DMD: variants seen among roughly 807,000 people sequenced by gnomAD.
The protein encoded by DMD is mutant dystrophin.
A neutral mutation model predicts 330.1 loss-of-function variants in DMD; 63 were observed. The ratio of observed to expected loss-of-function variants is 0.19; its 90% CI spans 0.16 to 0.24. The LOEUF (loss-of-function observed/expected upper bound fraction) is 0.24. Ranked by LOEUF, DMD falls within the 10% of genes least tolerant of loss-of-function variation. The probability of loss-of-function intolerance (pLI) is 1.00; values close to 1 mark genes in which losing one functional copy is unlikely to be tolerated. For missense variants in DMD, 3,344 were observed against 2,684.1 expected, an observed-to-expected ratio of 1.25 and a Z score of -5.43; for synonymous variants, 1,223 against 959.8, an observed-to-expected ratio of 1.27 and a Z score of -5.07.
chrX:31,818,149 C>T (rs893103167), intron 50 of DMD, among the ~76,000 whole-genome samples: 7 of 112,027 alleles, frequency 6.2e-5, no homozygotes, highest in African/African-American at 2.3e-4. Context: ...CTAACAAATA[C>T]CCATTGACAT....
chrX:31,149,336 G>A (rs769270888), intron 74 of DMD, among the ~76,000 whole-genome samples: 107 of 111,945 alleles, frequency 9.6e-4, no homozygotes, highest in African/African-American at 3.2e-3. Flanking sequence ...CATATCCCTG[G>A]TAGATCCCAC....
chrX:31,473,909 G>A (rs1275931851), intron 59 of DMD, among the ~76,000 whole-genome samples: 1 of 111,271 alleles, frequency 9.0e-6, no homozygotes, highest in Non-Finnish European at 1.9e-5. Flanking sequence ...TTACAAGGAA[G>A]GTAGAATATT....
intron 43 of DMD, among the ~76,000 whole-genome samples, chrX:32,269,489 G>A (rs974338952): frequency 1.3e-4 from 14 of 111,567 alleles, no homozygotes; most frequent in African/African-American, 4.6e-4. Context: ...TCTGCCTTAT[G>A]CCTCCTTGGT....
intron 29 of DMD, among the ~76,000 whole-genome samples, chrX:32,437,866 A>C (rs2098267565): frequency 8.9e-6 from 1 of 112,346 alleles, no homozygotes; most frequent in African/African-American, 3.2e-5. Flanking sequence ...ACAGAATTGC[A>C]TGTATTATTA....
At chrX:31,837,288 C>A (rs1192136962) in intron 48 of DMD, among the ~76,000 whole-genome samples, 1 of 111,426 alleles carries the variant, frequency 9.0e-6, no homozygotes, top group Admixed American at 9.6e-5. Flanking sequence ...AAATTATTTT[C>A]TTTCCAAAGG....
intron 67 of DMD, among the ~76,000 whole-genome samples, chrX:31,193,798 A>G (rs773005738): frequency 1.5e-4 from 17 of 111,385 alleles, no homozygotes; most frequent in Non-Finnish European, 2.4e-4. Context: ...TGGCCAAAAA[A>G]TGTTAACATT....
intron 48 of DMD, among the ~76,000 whole-genome samples, chrX:31,844,416 T>C (rs1017780685): frequency 7.2e-5 from 8 of 110,816 alleles, no homozygotes; most frequent in African/African-American, 2.3e-4. Context: ...AGAAGTCCCA[T>C]TCTCTTTGGG....
At chrX:33,029,204 G>A (rs930271551) in intron 1 of DMD, among the ~76,000 whole-genome samples, 1 of 111,412 alleles carries the variant, frequency 9.0e-6, no homozygotes, top group Non-Finnish European at 1.9e-5. Flanking sequence ...TATCCATTGA[G>A]CACCCATTAG....
At chrX:31,527,510 A>T (rs1203396838) in intron 55 of DMD, among the ~76,000 whole-genome samples, 1 of 112,050 alleles carries the variant, frequency 8.9e-6, no homozygotes, top group Non-Finnish European at 1.9e-5. Flanking sequence ...TTATTTGCTA[A>T]ATCTGGCAAC....
intron 2 of DMD, among the ~76,000 whole-genome samples, chrX:33,009,691 CATATGTGTGTAT>C: frequency 2.6e-5 from 1 of 38,919 alleles, no homozygotes; most frequent in Admixed American, 2.4e-4. Context: ...TGTATATGCA[CATATGTGTGTAT>C]ACGTATATGT....
intron 34 of DMD, among the ~76,000 whole-genome samples, chrX:32,377,585 C>A (rs960806768): frequency 3.6e-5 from 4 of 111,401 alleles, no homozygotes; most frequent in African/African-American, 1.3e-4. Context: ...AGATATAGGG[C>A]CAAGTATAGA....
chrX:31,324,996 C>T (rs763745243), intron 61 of DMD, among the ~76,000 whole-genome samples: 3 of 112,077 alleles, frequency 2.7e-5, no homozygotes, highest in Non-Finnish European at 5.6e-5. Context: ...GGAGATATGT[C>T]ATTTAAACGA....
At chrX:31,495,758 C>A (rs2069779895) in intron 57 of DMD, among the ~76,000 whole-genome samples, 1 of 111,605 alleles carries the variant, frequency 9.0e-6, no homozygotes, top group Non-Finnish European at 1.9e-5. Flanking sequence ...TATCACACTG[C>A]AACCCCTAGC....
intron 63 of DMD, among the ~76,000 whole-genome samples, chrX:31,229,015 T>C (rs774072694): frequency 2.7e-5 from 3 of 112,240 alleles, no homozygotes; most frequent in Non-Finnish European, 3.8e-5. Context: ...TTTTGAAACA[T>C]GAAACAAGTA....
intron 1 of DMD, among the ~76,000 whole-genome samples, chrX:33,261,326 G>A (rs2052951497): frequency 9.0e-6 from 1 of 110,573 alleles, no homozygotes; most frequent in African/African-American, 3.3e-5. Flanking sequence ...AAAAAAGAAA[G>A]AGTGTTATAA....
At chrX:31,923,454 T>C (rs755811483) in intron 47 of DMD, among the ~76,000 whole-genome samples, 2 of 111,333 alleles carry the variant, frequency 1.8e-5, no homozygotes, top group South Asian at 3.7e-4. Context: ...AATAATTTAA[T>C]TACAGCTTTG....
chrX:32,794,033 C>CA (rs904075066), intron 7 of DMD, among the ~76,000 whole-genome samples: 28 of 111,391 alleles, frequency 2.5e-4, no homozygotes, highest in Non-Finnish European at 5.7e-5. Flanking sequence ...GTAATATTAT[C>CA]AAGTGGAATT....
At chrX:32,421,177 T>A (rs2098188055) in intron 29 of DMD, among the ~76,000 whole-genome samples, 1 of 112,497 alleles carries the variant, frequency 8.9e-6, no homozygotes, top group Non-Finnish European at 1.9e-5. Context: ...GAAGTTGATG[T>A]GCAAGGCACA....
chrX:32,205,482 C>T (rs943793805), intron 44 of DMD, among the ~76,000 whole-genome samples: 1 of 110,303 alleles, frequency 9.1e-6, no homozygotes. Context: ...TCTGCTCTGA[C>T]TCATCAATGG....
Sources: allele counts gnomAD v4.1 joint callset (sites outside exome capture counted in the v4.1 genomes callset), GRCh38; gene constraint gnomAD v4.1.1; transcripts MANE v1.5; gene names NCBI Gene and HGNC (gene_info 2026-07-23, HGNC 2026-07-21).